ZBTB16: variants seen among roughly 807,000 people sequenced by gnomAD.
The protein encoded by ZBTB16 is zinc finger and BTB domain-containing protein 16.
In ZBTB16, 8 loss-of-function variants were observed where a neutral mutation model predicts 56.8. The ratio of observed to expected loss-of-function variants is 0.14; its 90% CI spans 0.08 to 0.25. ZBTB16 has a LOEUF of 0.25. Among genes scored for constraint, ZBTB16 ranks in the 10% least tolerant of loss-of-function variants. The pLI, the probability that ZBTB16 is intolerant of heterozygous loss-of-function variation, is 1.00. For synonymous variants in ZBTB16, 363 were observed against 368.5 expected (o/e 0.98, Z 0.17); for missense variants, 625 against 903.0 (o/e 0.69, Z 3.95).
chr11:114,204,241 C>A (rs1239968984), intron 4 of ZBTB16, among the ~76,000 whole-genome samples: 1 of 151,712 alleles, frequency 6.6e-6, no homozygotes, highest in Non-Finnish European at 1.5e-5. Context: ...GCCACCTCTA[C>A]CTTCCGGGTT....
In ZBTB16 at chr11:114,150,048, A is replaced by T. The variant is rs148923275; in HGVS notation, c.1269-6289A>T. Among the ~76,000 whole-genome samples the T allele has an allele frequency of 4.5e-3, 693 of 152,386 alleles. 4 individuals carry two copies. The highest frequency in any genetic ancestry group is 6.3e-3 in the Non-Finnish European group (427 of 68,036). ...TGCCCCCACAGAGTGTATAGTCTTA[A>T]GGAACTTATAAATGGCTTAGTCTTG... On this transcript the variant is annotated intron_variant, in intron 2 of 6. Coordinates refer to ENST00000335953, the MANE Select transcript of ZBTB16 (RefSeq NM_006006.6).
At chr11:114,224,213 A>G (rs558538880) in intron 4 of ZBTB16, among the ~76,000 whole-genome samples, 1 of 152,308 alleles carries the variant, frequency 6.6e-6, no homozygotes, top group African/African-American at 2.4e-5. Flanking sequence ...AGAATATGGT[A>G]GTCTGAACCA....
chr11:114,142,576 A>G (rs1411446576), intron 2 of ZBTB16, among the ~76,000 whole-genome samples: 1 of 152,240 alleles, frequency 6.6e-6, no homozygotes, highest in Non-Finnish European at 1.5e-5. Flanking sequence ...TGTTGGACAA[A>G]GGTGGGTATT....
Position 114,064,126 on chromosome 11 carries a change from G to A in ZBTB16, c.826G>A (p.Gly276Ser), listed in dbSNP as rs1316476027. ...GATGGGGGACAAGGTTGAGGAAAGA[G>A]GCAAAGAGGGGCCTGGGACCCCGAC... ...GGMGDKVEER[G>S]KEGPGTPTRS... is the part of the protein sequence containing the mutation. Residue 276 changes from glycine (G) to serine (S), a missense_variant, in exon 2 of 7, where the codon GGC becomes AGC. This residue lies in a region of ZBTB16 where 384 missense variants were observed against 393.5 expected (regional missense o/e 0.98). Coordinates refer to ENST00000335953, the MANE Select transcript of ZBTB16 (RefSeq NM_006006.6). The surrounding 1 kb of genome is among the most constrained non-coding windows in gnomAD (Gnocchi z 4.2). 6 of 1,613,818 alleles carry A rather than the reference G, an allele frequency of 3.7e-6. No individual in the cohort carries two copies. The highest frequency in any genetic ancestry group is 2.7e-5 in the African/African-American group (2 of 74,926).
At chr11:114,208,154 C>T (rs1231589045) in intron 4 of ZBTB16, among the ~76,000 whole-genome samples, 2 of 152,186 alleles carry the variant, frequency 1.3e-5, no homozygotes, top group African/African-American at 4.8e-5. Context: ...AGATGTACAC[C>T]ACTTGCCCTT....
rs112276049 is a variant in ZBTB16, at chr11:114,217,323, A to T, written c.1454-24844A>T. Among the ~76,000 whole-genome samples the T allele has an allele frequency of 3.5e-4, 54 of 152,314 alleles. No individual in the cohort carries two copies. The Middle Eastern group carries it at 0.02, about 58-fold the overall frequency. On this transcript the variant is annotated intron_variant, in intron 4 of 6. Transcript: ENST00000335953. Reference sequence around the variant, plus strand: ...ATAGGTCGCACTGGTGGTTCTGTGCAGGTGAGATCAGAGGGAGGTAAGCTG... The same window carrying T: ...ATAGGTCGCACTGGTGGTTCTGTGCTGGTGAGATCAGAGGGAGGTAAGCTG...
chr11:114,072,287 T>C (rs1939376125), intron 2 of ZBTB16, among the ~76,000 whole-genome samples: 1 of 152,230 alleles, frequency 6.6e-6, no homozygotes, highest in African/African-American at 2.4e-5. Flanking sequence ...TCTTGTACTG[T>C]GGTGGCCAGG....
intron 6 of ZBTB16, among the ~76,000 whole-genome samples, chr11:114,249,842 G>A (rs1944887813): frequency 6.7e-6 from 1 of 149,726 alleles, no homozygotes; most frequent in South Asian, 2.1e-4. Flanking sequence ...GAAGGACTGG[G>A]TTCCCTCAAT....
At chr11:114,113,121 A>G (rs1941072672) in intron 2 of ZBTB16, among the ~76,000 whole-genome samples, 1 of 152,184 alleles carries the variant, frequency 6.6e-6, no homozygotes, top group Admixed American at 6.5e-5. Context: ...TTTCTGGCTT[A>G]TGGAAGATAC....
At chr11:114,147,734 C>G (rs1942145827) in intron 2 of ZBTB16, among the ~76,000 whole-genome samples, 1 of 152,156 alleles carries the variant, frequency 6.6e-6, no homozygotes, top group African/African-American at 2.4e-5. Context: ...TGATCTCTTC[C>G]CCTCGGATCT....
intron 2 of ZBTB16, among the ~76,000 whole-genome samples, chr11:114,099,378 T>C (rs1433769013): frequency 6.6e-6 from 1 of 152,062 alleles, no homozygotes; most frequent in Non-Finnish European, 1.5e-5. Context: ...ATGTTTATGA[T>C]GTGGTCAGTT....
intron 3 of ZBTB16, among the ~76,000 whole-genome samples, chr11:114,163,274 CT>C (rs1273696541): frequency 8.1e-6 from 1 of 123,140 alleles, no homozygotes; most frequent in East Asian, 2.8e-4. Flanking sequence ...TATGGTTTTG[CT>C]TTTTAGCTCC....
intron 3 of ZBTB16, among the ~76,000 whole-genome samples, chr11:114,186,091 G>A (rs1943354622): frequency 6.6e-6 from 1 of 152,140 alleles, no homozygotes. Flanking sequence ...CCGAGAGCTG[G>A]AACATATCAG....
rs192281072 is a variant in ZBTB16 at position 114,145,748 on chromosome 11, C to T, written c.1269-10589C>T. Among the ~76,000 whole-genome samples the T allele has an allele frequency of 3.9e-5, 6 of 152,204 alleles. No homozygotes were observed. The East Asian group carries it at 1.2e-3, about 29-fold the overall frequency. ...ATGGTTGCACAGTTCTATGAATATG[C>T]TACAAACCAGTGAATGGTATACTTG... On this transcript the variant is annotated intron_variant, in intron 2 of 6. Coordinates refer to ENST00000335953, the MANE Select transcript of ZBTB16 (RefSeq NM_006006.6).
At chr11:114,169,724 C>T (rs552254318) in intron 3 of ZBTB16, among the ~76,000 whole-genome samples, 6 of 152,228 alleles carry the variant, frequency 3.9e-5, no homozygotes, top group Admixed American at 6.5e-5. Context: ...TCATTGTGAC[C>T]GCAAGAGGAA....
At chr11:114,131,648 C>T (rs762679162) in intron 2 of ZBTB16, among the ~76,000 whole-genome samples, 6 of 152,078 alleles carry the variant, frequency 3.9e-5, no homozygotes, top group Non-Finnish European at 4.4e-5. Flanking sequence ...ATAAACAATC[C>T]GAGAGGGGGG....
chr11:114,216,196 G>T (rs75255277), intron 4 of ZBTB16, among the ~76,000 whole-genome samples: 2,331 of 152,310 alleles, frequency 0.015, 34 homozygotes, highest in Non-Finnish European at 0.027. Context: ...TGCACACACA[G>T]GCACCTGTAA....
chr11:114,228,045 G>A (rs563927923), intron 4 of ZBTB16, among the ~76,000 whole-genome samples: 1 of 152,148 alleles, frequency 6.6e-6, no homozygotes, highest in East Asian at 1.9e-4. Context: ...TCCTAGACAG[G>A]GATTCTTAAC....
intron 4 of ZBTB16, among the ~76,000 whole-genome samples, chr11:114,204,314 T>A (rs192930772): frequency 1.3e-3 from 191 of 152,128 alleles, no homozygotes; most frequent in African/African-American, 4.4e-3. Context: ...AATTTTTGTA[T>A]TTTTTAGTAG....
Sources: allele counts gnomAD v4.1 joint callset (sites outside exome capture counted in the v4.1 genomes callset), GRCh38; gene constraint gnomAD v4.1.1; regional missense constraint gnomAD v4.1.1; non-coding constraint Gnocchi (gnomAD v3.1); transcripts MANE v1.5; gene names NCBI Gene and HGNC (gene_info 2026-07-23, HGNC 2026-07-21).